Variants in TRAPPC9 observed in about 807,000 individuals in gnomAD.
The protein encoded by TRAPPC9 is trafficking protein particle complex subunit 9.
In TRAPPC9, 83 loss-of-function variants were observed where a neutral mutation model predicts 124.0. The ratio of observed to expected loss-of-function variants is 0.67; its 90% CI spans 0.56 to 0.80. The LOEUF is 0.80. Ranked by LOEUF, TRAPPC9 falls within the 30% of genes least tolerant of loss-of-function variation. The probability of loss-of-function intolerance (pLI) is 0.00; values close to 1 mark genes in which losing one functional copy is unlikely to be tolerated. For synonymous variants in TRAPPC9, 638 were observed against 617.5 expected (o/e 1.03, Z -0.49); for missense variants, 1,302 against 1,508.3 (o/e 0.86, Z 2.27).
At chr8:140,455,393 A>G (rs974588787) in intron 1 of TRAPPC9, among the ~76,000 whole-genome samples, 1 of 152,042 alleles carries the variant, frequency 6.6e-6, no homozygotes, top group African/African-American at 2.4e-5. Context: ...TCAGCCTCCC[A>G]AAGTGCTGGG....
chr8:139,802,953 A>ATGTGTGCTGTTGTGTGAGTGCAT (rs1823647524), intron 21 of TRAPPC9, among the ~76,000 whole-genome samples: 1 of 148,956 alleles, frequency 6.7e-6, no homozygotes, highest in Non-Finnish European at 1.5e-5. Context: ...GTATGTGAAG[A>ATGTGTGCTGTTGTGTGAGTGCAT]TGTGTGCTGT....
chr8:139,988,995 T>C (rs1837450132), intron 18 of TRAPPC9, among the ~76,000 whole-genome samples, 159 bp from the exon 19 acceptor site: 2 of 152,192 alleles, frequency 1.3e-5, no homozygotes, highest in African/African-American at 4.8e-5. Context: ...AGACTGGTTC[T>C]GAACACGAGT....
chr8:139,830,273 A>G (rs1344320676), intron 21 of TRAPPC9, among the ~76,000 whole-genome samples: 1 of 146,148 alleles, frequency 6.8e-6, no homozygotes, highest in Non-Finnish European at 1.5e-5. Flanking sequence ...ATGCATACAC[A>G]CACAAATGAG....
chr8:139,977,253 C>A (rs1414670655), intron 19 of TRAPPC9, among the ~76,000 whole-genome samples: 1 of 152,030 alleles, frequency 6.6e-6, no homozygotes, highest in Non-Finnish European at 1.5e-5. Flanking sequence ...AATGAAACGG[C>A]CCCATCACAG....
intron 19 of TRAPPC9, among the ~76,000 whole-genome samples, chr8:139,935,669 C>CTTTTTTT (rs377706417): frequency 7.5e-6 from 1 of 132,570 alleles, no homozygotes. Flanking sequence ...TCAGTCTTTG[C>CTTTTTTT]TTTTTTTTTT....
At chr8:140,292,460 A>T (rs373243443) in intron 11 of TRAPPC9, among the ~76,000 whole-genome samples, 18 of 152,206 alleles carry the variant, frequency 1.2e-4, no homozygotes, top group South Asian at 6.2e-4. Context: ...AGCAGATAAG[A>T]ACGTCTGTTG....
At chr8:139,878,837 T>A (rs769451377) in intron 21 of TRAPPC9, among the ~76,000 whole-genome samples, 5 of 152,042 alleles carry the variant, frequency 3.3e-5, no homozygotes, top group African/African-American at 4.8e-5. Flanking sequence ...ATACAAAAAT[T>A]AGCTGCGTGT....
At chr8:140,065,460 T>G (rs375538495) in intron 17 of TRAPPC9, among the ~76,000 whole-genome samples, 4 of 152,208 alleles carry the variant, frequency 2.6e-5, no homozygotes, top group African/African-American at 7.2e-5. Context: ...AGGACTTTCA[T>G]AGCTGGAGGG....
chr8:139,948,199 A>T (rs1031304470), intron 19 of TRAPPC9, among the ~76,000 whole-genome samples: 1 of 151,650 alleles, frequency 6.6e-6, no homozygotes, highest in African/African-American at 2.4e-5. Flanking sequence ...ATAGAAGCGA[A>T]CAAAACGAAG....
intron 17 of TRAPPC9, among the ~76,000 whole-genome samples, chr8:140,117,171 G>A (rs2060903568): frequency 6.6e-6 from 1 of 152,190 alleles, no homozygotes; most frequent in Non-Finnish European, 1.5e-5. Context: ...GACACACTAA[G>A]ACTCAGTTTC....
intron 19 of TRAPPC9, among the ~76,000 whole-genome samples, chr8:139,986,664 T>C (rs912827434): frequency 6.6e-6 from 1 of 152,188 alleles, no homozygotes; most frequent in African/African-American, 2.4e-5. Context: ...AACCCTCCAG[T>C]GTGCATATCA....
At chr8:140,337,997 A>T (rs2132040203) in intron 9 of TRAPPC9, among the ~76,000 whole-genome samples, 1 of 152,296 alleles carries the variant, frequency 6.6e-6, no homozygotes, top group Non-Finnish European at 1.5e-5. Context: ...ATAAATCCTG[A>T]ACGTTCTAAA....
chr8:140,307,595 G>C (rs537414108), intron 10 of TRAPPC9, among the ~76,000 whole-genome samples: 1 of 152,126 alleles, frequency 6.6e-6, no homozygotes, highest in Non-Finnish European at 1.5e-5. Context: ...GACCAAGCAC[G>C]AATTTCTGAC....
rs375640128 is a variant in TRAPPC9, at chr8:139,907,724, C to T, written c.2964+2423G>A. ...GTAGGCAATCAATAAATATGTGTTG[C>T]ATGAATTATTAAGCAAATATACAGA... On this transcript the variant is annotated intron_variant, in intron 20 of 22. Transcript: ENST00000438773. The surrounding 1 kb of genome is among the most constrained non-coding windows in gnomAD (Gnocchi z 4.7). Among the ~76,000 whole-genome samples, 4 of 152,198 alleles carry T rather than the reference C, an allele frequency of 2.6e-5. No homozygotes were observed. In the East Asian group the frequency reaches 5.8e-4, roughly 22 times the overall value.
chr8:139,853,917 C>CAT (rs1827648046), intron 21 of TRAPPC9, among the ~76,000 whole-genome samples: 1 of 152,234 alleles, frequency 6.6e-6, no homozygotes, highest in African/African-American at 2.4e-5. Context: ...ATACTACCTA[C>CAT]ATATGTGTAG....
chr8:140,406,827 G>A (rs2069511445), intron 5 of TRAPPC9, among the ~76,000 whole-genome samples: 1 of 152,214 alleles, frequency 6.6e-6, no homozygotes, highest in Admixed American at 6.5e-5. Context: ...ATCACAGCAA[G>A]AGACAAGAGG....
At chr8:139,916,010 A>G (rs1215350918) in intron 19 of TRAPPC9, among the ~76,000 whole-genome samples, 1 of 152,222 alleles carries the variant, frequency 6.6e-6, no homozygotes, top group African/African-American at 2.4e-5. Context: ...TAGATGGAGG[A>G]AAGGACCAGG....
At chr8:139,969,358 G>A (rs115045609) in intron 19 of TRAPPC9, among the ~76,000 whole-genome samples, 1 of 152,208 alleles carries the variant, frequency 6.6e-6, no homozygotes, top group Admixed American at 6.5e-5. Flanking sequence ...CCTTTTAATA[G>A]CCGCATCTGC....
chr8:139,933,911 T>A (rs1485955846), intron 19 of TRAPPC9: 1 of 152,172 alleles, frequency 6.6e-6, no homozygotes, highest in Non-Finnish European at 1.5e-5. Context: ...AGGATTAAGG[T>A]AAAGATGAGA....
Sources: gnomAD v4.1 joint callset for allele counts (sites outside exome capture counted in the v4.1 genomes callset) on GRCh38, gnomAD v4.1.1 for gene constraint, Gnocchi (gnomAD v3.1) non-coding constraint, MANE v1.5 for transcripts, NCBI Gene and HGNC (gene_info 2026-07-23, HGNC 2026-07-21) for gene names.